NECTIN1: variants seen among roughly 807,000 people sequenced by gnomAD.
NECTIN1 encodes nectin-1.
NECTIN1 carries 23 observed loss-of-function variants against 48.0 expected under a neutral mutation model. The observed-to-expected ratio is 0.48, with a 90% CI of 0.34 to 0.68. NECTIN1 has a LOEUF of 0.68. Among genes scored for constraint, NECTIN1 ranks in the 30% least tolerant of loss-of-function variants. The pLI, the probability that NECTIN1 is intolerant of heterozygous loss-of-function variation, is 0.01. For missense variants in NECTIN1, 591 were observed against 709.9 expected, an observed-to-expected ratio of 0.83 and a Z score of 1.90; for synonymous variants, 270 against 288.9, an observed-to-expected ratio of 0.93 and a Z score of 0.66.
Position 119,665,187 on chromosome 11 carries a change from CG to C in NECTIN1, c.1113del (p.Gly372AlafsTer226). 6.2e-7 allele frequency: 1 copy of C among 1,609,546 alleles called. No homozygotes were observed. Among genetic ancestry groups the C allele is most frequent in the Non-Finnish European group, 8.5e-7 (1 of 1,179,928 alleles). The stretch of plus-strand genomic sequence containing the variant: ...CGACGCAGGGCGACCACGATCCCGC[CG>C]ACCACAATCAACACCAGCAGGATGC... Reference protein sequence around the residue: ...AGSILLVLIVVGGIVVALRRR... With the variant: ...AGSILLVLIVXGGIVVALRRR... On this transcript the variant is annotated frameshift_variant, in exon 6 of 6. Transcript: ENST00000264025. LOFTEE classifies it high-confidence loss of function. The surrounding 1 kb of genome is among the most constrained non-coding windows in gnomAD (Gnocchi z 5.1).
intron 1 of NECTIN1, among the ~76,000 whole-genome samples, chr11:119,711,571 G>A (rs1747658797): frequency 6.6e-6 from 1 of 152,104 alleles, no homozygotes; most frequent in Non-Finnish European, 1.5e-5. Flanking sequence ...TGCTGGGTGA[G>A]GGGAGGAGAG....
chr11:119,728,993 T>G lies in NECTIN1; in HGVS notation c.-440A>C. 1 of 149,286 alleles carries G rather than the reference T, an allele frequency of 6.7e-6. No individual in the cohort carries two copies. The highest frequency in any genetic ancestry group is 1.5e-5 in the Non-Finnish European group (1 of 67,264). 9.2% of individuals were successfully genotyped at this position (149,286 alleles called of 1,614,324 possible). A position where few individuals can be genotyped will look rare whatever the true frequency, so the allele number is the denominator to read the frequency against. ...TCCATGGCCGGCCGTCCTCCGAGGG[T>G]GGCGGGACGCACCCGGGCGGCGCAG... is the stretch of plus-strand genomic sequence containing the variant. On this transcript the variant is annotated 5_prime_UTR_variant, in exon 1 of 6. Coordinates refer to ENST00000264025, the MANE Select transcript of NECTIN1 (RefSeq NM_002855.5).
At chr11:119,710,434 AG>A (rs11295638) in intron 1 of NECTIN1, among the ~76,000 whole-genome samples, 151,043 of 151,472 alleles carry the variant, frequency 1, 75,310 homozygotes, top group Middle Eastern at 1. Flanking sequence ...ACACACACAC[AG>A]CCCTGCATGC....
chr11:119,686,511 A>G (rs973237057), intron 1 of NECTIN1, among the ~76,000 whole-genome samples: 29 of 152,186 alleles, frequency 1.9e-4, no homozygotes, highest in African/African-American at 6.3e-4. Context: ...GATGCAAATC[A>G]CTTACTACTT....
At chr11:119,723,092 G>A (rs1192546290) in intron 1 of NECTIN1, among the ~76,000 whole-genome samples, 2 of 152,010 alleles carry the variant, frequency 1.3e-5, no homozygotes, top group Non-Finnish European at 2.9e-5. Flanking sequence ...GGTGGCACCT[G>A]CCTGTAGTCC....
chr11:119,681,190 G>A (rs1048876048), intron 1 of NECTIN1, among the ~76,000 whole-genome samples: 1 of 152,222 alleles, frequency 6.6e-6, no homozygotes, highest in Admixed American at 6.5e-5. Context: ...CAGGATAATT[G>A]GGTGCTCCCC....
chr11:119,638,247 C>A (rs777469044), exon 8 of NECTIN1: 3 of 1,613,896 alleles, frequency 1.9e-6, no homozygotes, highest in Admixed American at 3.3e-5. Flanking sequence ...AGGTGGACAA[C>A]CTGGAAGAGA....
At chr11:119,639,367 G>A (rs772994686) in intron 6 of NECTIN1, 4 of 200,780 alleles carry the variant, frequency 2.0e-5, no homozygotes, top group Non-Finnish European at 4.1e-5. Context: ...TGGACGTTTT[G>A]TTCATCATGG....
chr11:119,686,311 A>AT (rs1285803353), intron 1 of NECTIN1, among the ~76,000 whole-genome samples: 1 of 151,974 alleles, frequency 6.6e-6, no homozygotes, highest in African/African-American at 2.4e-5. Flanking sequence ...GGGACTTTGC[A>AT]CTAGCTCTTT....
intron 5 of NECTIN1, among the ~76,000 whole-genome samples, chr11:119,648,191 GGT>G (rs1217798910): frequency 8.6e-5 from 12 of 139,794 alleles, no homozygotes; most frequent in Non-Finnish European, 1.6e-4. Context: ...TGATGGTGGT[GGT>G]GTGATGGTAC....
At chr11:119,705,617 G>A (rs1363358165) in intron 1 of NECTIN1, among the ~76,000 whole-genome samples, 5 of 152,212 alleles carry the variant, frequency 3.3e-5, no homozygotes, top group Admixed American at 3.3e-4. Flanking sequence ...ACTGATGCAG[G>A]GGCCAGGCCT....
In NECTIN1 at chr11:119,665,997, G is replaced by A. The variant is rs1034510482; in HGVS notation, c.1004-700C>T. Among the ~76,000 whole-genome samples, 7 of 152,154 alleles carry A rather than the reference G, an allele frequency of 4.6e-5. No homozygotes were observed. ...GTGAGTGCCAATCAGCTGCCAAGGT[G>A]CCAGAAACTAGGGCTGTGGTTCTTG... On this transcript the variant is annotated intron_variant, in intron 5 of 5. Transcript: ENST00000264025. This position sits in a 1 kb window ranked among gnomAD's most constrained non-coding sequence, Gnocchi z 5.1.
intron 1 of NECTIN1, among the ~76,000 whole-genome samples, chr11:119,708,394 G>A (rs932305827): frequency 6.6e-6 from 1 of 152,216 alleles, no homozygotes; most frequent in Non-Finnish European, 1.5e-5. Context: ...TATTAGATGA[G>A]GGTCTGAACT....
rs1363471010 is a variant in NECTIN1, at chr11:119,683,918, G to C, written c.80-5153C>G. On this transcript the variant is annotated intron_variant, in intron 1 of 5. Transcript: ENST00000264025. The surrounding 1 kb of genome is among the most constrained non-coding windows in gnomAD (Gnocchi z 4.0). Reference sequence around the variant, plus strand: ...CTTCCCAGAAGTGCTGAGCCAGCATGACGGGCCTCAGGCCGGCCCCCTGAG... The same window carrying C: ...CTTCCCAGAAGTGCTGAGCCAGCATCACGGGCCTCAGGCCGGCCCCCTGAG... 8.9e-4 allele frequency among the ~76,000 whole-genome samples: 135 copies of C among 152,188 alleles called. No individual in the cohort carries two copies. The highest frequency in any genetic ancestry group is 1.5e-4 in the Non-Finnish European group (10 of 68,002).
chr11:119,688,270 C>T (rs1212806185), intron 1 of NECTIN1, among the ~76,000 whole-genome samples: 2 of 152,168 alleles, frequency 1.3e-5, no homozygotes, highest in Admixed American at 1.3e-4. Flanking sequence ...CTATGCTATA[C>T]AAGCAGTTGT....
rs1337699458 is a variant in NECTIN1 at position 119,665,162 on chromosome 11, C to T, written c.1139G>A (p.Arg380Gln). 1.9e-5 allele frequency: 30 copies of T among 1,612,386 alleles called. No homozygotes were observed. The highest frequency in any genetic ancestry group is 2.4e-5 in the Non-Finnish European group (28 of 1,179,966). ...VVGGIVVALR[R>Q]RRHTFKGDYS... ...GTCACCCTTGAAGGTGTGCCGGCGC[C>T]GACGCAGGGCGACCACGATCCCGCC... The change falls in exon 6 of 6, where the codon CGG becomes CAG. Residue 380 changes from arginine to glutamine, a missense_variant. Transcript: ENST00000264025. The surrounding 1 kb of genome is among the most constrained non-coding windows in gnomAD (Gnocchi z 5.1).
At chr11:119,644,880 G>T (rs556370461) in intron 5 of NECTIN1, among the ~76,000 whole-genome samples, 2 of 152,156 alleles carry the variant, frequency 1.3e-5, no homozygotes, top group African/African-American at 4.8e-5. Context: ...GGCAGAGCAT[G>T]CTCAGAGGTT....
At position 119,664,914 on chromosome 11, in the gene NECTIN1, C is replaced by A; in HGVS notation, c.1387G>T (p.Asp463Tyr). 6.2e-7 allele frequency: 1 copy of A among 1,613,948 alleles called. No individual in the cohort carries two copies. Among genetic ancestry groups the A allele is most frequent in the Non-Finnish European group, 8.5e-7 (1 of 1,179,938 alleles). Residue 463 changes from aspartate (D) to tyrosine (Y), a missense_variant, in exon 6 of 6, where the codon GAC becomes TAC. Coordinates refer to ENST00000264025, the MANE Select transcript of NECTIN1 (RefSeq NM_002855.5). Reference protein sequence around the residue: ...VGGPHPKYDEDAKRPYFTVDE... With the variant: ...VGGPHPKYDEYAKRPYFTVDE... ...ACGGTGAAGTAGGGCCGCTTGGCGT[C>A]CTCGTCATATTTGGGGTGGGGGCCG...
exon 6 of NECTIN1, chr11:119,639,989 G>A: frequency 6.2e-7 from 1 of 1,613,700 alleles, no homozygotes. Context: ...GCACTTCCCA[G>A]ACCCCTCTGG....
Sources: gnomAD v4.1 joint callset for allele counts (sites outside exome capture counted in the v4.1 genomes callset) on GRCh38, gnomAD v4.1.1 for gene constraint, Gnocchi (gnomAD v3.1) non-coding constraint, MANE v1.5 for transcripts, NCBI Gene and HGNC (gene_info 2026-07-23, HGNC 2026-07-21) for gene names.